The following SGMS1 variants were observed in gnomAD, a reference collection of about 807,000 sequenced individuals.
The protein encoded by SGMS1 is phosphatidylcholine:ceramide cholinephosphotransferase 1.
A neutral mutation model predicts 46.2 loss-of-function variants in SGMS1; 13 were observed. That is an observed-to-expected ratio of 0.28 (90% confidence interval 0.18 to 0.45). The LOEUF (loss-of-function observed/expected upper bound fraction) is 0.45. Among genes scored for constraint, SGMS1 ranks in the 20% least tolerant of loss-of-function variants. The pLI is 1.00. For missense variants in SGMS1, 324 were observed against 519.9 expected (o/e 0.62, Z 3.66); for synonymous variants, 203 against 187.8 (o/e 1.08, Z -0.66).
At chr10:50,580,813 G>C (rs572436793) in intron 2 of SGMS1, among the ~76,000 whole-genome samples, 50 of 152,308 alleles carry the variant, frequency 3.3e-4, no homozygotes, top group African/African-American at 1.2e-3. Context: ...TTTCAGATTT[G>C]CAAGGTGAAA....
intron 6 of SGMS1, among the ~76,000 whole-genome samples, chr10:50,359,384 C>T (rs1050374507): frequency 5.3e-5 from 8 of 152,064 alleles, no homozygotes; most frequent in African/African-American, 1.9e-4. Flanking sequence ...CCAAAATGAC[C>T]CATTCCATCG....
At chr10:50,466,574 T>C (rs1213277035) in intron 4 of SGMS1, among the ~76,000 whole-genome samples, 1 of 152,162 alleles carries the variant, frequency 6.6e-6, no homozygotes, top group Admixed American at 6.5e-5. Flanking sequence ...TATTGAATGC[T>C]TAAAAAATGT....
At chr10:50,444,697 C>T (rs1836985680) in intron 5 of SGMS1, among the ~76,000 whole-genome samples, 1 of 145,108 alleles carries the variant, frequency 6.9e-6, no homozygotes, top group South Asian at 2.2e-4. Flanking sequence ...TCATATCCAT[C>T]CTGGGCAACA....
intron 6 of SGMS1, among the ~76,000 whole-genome samples, chr10:50,362,997 C>T (rs547533224): frequency 3.3e-5 from 5 of 152,008 alleles, no homozygotes; most frequent in African/African-American, 1.2e-4. Flanking sequence ...TTTGTCAAGC[C>T]CCAAGGATCT....
intron 2 of SGMS1, among the ~76,000 whole-genome samples, chr10:50,579,838 A>C (rs1438916990): frequency 6.6e-6 from 1 of 152,224 alleles, no homozygotes; most frequent in Non-Finnish European, 1.5e-5. Flanking sequence ...AGAAATGCCC[A>C]GAAAGGTGTT....
Position 50,367,640 on chromosome 10 carries a change from G to A in SGMS1, c.-231-23295C>T, listed in dbSNP as rs75504026. ...CCAGTCCCTACCCTTAATGCATTAA[G>A]GTTTTCTTTTCCTGACAGCAATTAC... On this transcript the variant is annotated intron_variant, in intron 6 of 10. Coordinates refer to ENST00000361781, the MANE Select transcript of SGMS1 (RefSeq NM_147156.4). 4.6e-5 allele frequency among the ~76,000 whole-genome samples: 7 copies of A among 152,148 alleles called. No individual in the cohort carries two copies. In the South Asian group the frequency reaches 1.4e-3, roughly 31 times the overall value.
intron 2 of SGMS1, among the ~76,000 whole-genome samples, chr10:50,575,984 T>C (rs1365288821): frequency 1.3e-5 from 2 of 152,170 alleles, no homozygotes; most frequent in Non-Finnish European, 2.9e-5. Flanking sequence ...GCCTGAGCTA[T>C]GTCCACTACA....
Position 50,589,555 on chromosome 10 carries a change from G to A in SGMS1, c.-589+598C>T, listed in dbSNP as rs549792285. On this transcript the variant is annotated intron_variant, in intron 2 of 10. Transcript: ENST00000361781. Reference sequence around the variant, plus strand: ...CTCCATCACGGCTCACTACAGCCTCGACTTTGTGGGCTCAAGCGATCCTCC... The same window carrying A: ...CTCCATCACGGCTCACTACAGCCTCAACTTTGTGGGCTCAAGCGATCCTCC... 1.1e-3 allele frequency among the ~76,000 whole-genome samples: 173 copies of A among 151,508 alleles called. 1 individual carries two copies. The highest frequency in any genetic ancestry group is 3.4e-3 in the Middle Eastern group (1 of 292).
At chr10:50,580,640 G>A (rs1271335940) in intron 2 of SGMS1, among the ~76,000 whole-genome samples, 1 of 152,172 alleles carries the variant, frequency 6.6e-6, no homozygotes, top group African/African-American at 2.4e-5. Context: ...TTGGAGTTCA[G>A]TGGCTCTCAC....
intron 4 of SGMS1, among the ~76,000 whole-genome samples, chr10:50,462,282 T>C (rs1393493784): frequency 6.6e-6 from 1 of 151,908 alleles, no homozygotes; most frequent in African/African-American, 2.4e-5. Flanking sequence ...AATAAAGCTT[T>C]GAAGTAAAAT....
intron 8 of SGMS1, among the ~76,000 whole-genome samples, chr10:50,314,754 G>C (rs2842088): frequency 0.079 from 11,936 of 151,282 alleles, 1,131 homozygotes; most frequent in East Asian, 0.33. Flanking sequence ...GAGACTGTCT[G>C]TACAAAAAAT....
At chr10:50,480,842 G>A (rs918966764) in intron 3 of SGMS1, among the ~76,000 whole-genome samples, 2 of 152,158 alleles carry the variant, frequency 1.3e-5, no homozygotes, top group African/African-American at 4.8e-5. Flanking sequence ...TAAAGAGACT[G>A]GGCAGTTTGG....
chr10:50,408,287 ATTCATTCTAGT>A (rs1291819278), intron 6 of SGMS1, among the ~76,000 whole-genome samples: 2 of 152,004 alleles, frequency 1.3e-5, no homozygotes, highest in Non-Finnish European at 2.9e-5. Context: ...TAGCCCTTTT[ATTCATTCTAGT>A]CACAGTTTAA....
intron 7 of SGMS1, among the ~76,000 whole-genome samples, chr10:50,339,002 T>C (rs899874403): frequency 1.3e-5 from 2 of 152,168 alleles, no homozygotes; most frequent in Non-Finnish European, 2.9e-5. Context: ...CCTCCCAAAG[T>C]GCTGGGATTA....
chr10:50,341,857 A>G (rs1847826446), intron 7 of SGMS1, among the ~76,000 whole-genome samples: 1 of 152,268 alleles, frequency 6.6e-6, no homozygotes, highest in African/African-American at 2.4e-5. Flanking sequence ...AATTGTAATT[A>G]TTAATATACT....
intron 3 of SGMS1, among the ~76,000 whole-genome samples, chr10:50,482,555 C>T (rs1837486375): frequency 6.6e-6 from 1 of 152,110 alleles, no homozygotes; most frequent in Non-Finnish European, 1.5e-5. Flanking sequence ...GCATGAAATA[C>T]AGAAAGGAAA....
intron 6 of SGMS1, among the ~76,000 whole-genome samples, chr10:50,353,702 C>G (rs960613554): frequency 6.6e-6 from 1 of 152,272 alleles, no homozygotes; most frequent in Non-Finnish European, 1.5e-5. Flanking sequence ...ATCGTCTCAG[C>G]CCAAAATCTC....
intron 5 of SGMS1, among the ~76,000 whole-genome samples, chr10:50,450,579 G>C (rs1837093980): frequency 6.6e-6 from 1 of 152,050 alleles, no homozygotes; most frequent in South Asian, 2.1e-4. Context: ...TAAGCTATTA[G>C]TTACCTAATT....
chr10:50,504,582 G>C (rs966983802), intron 3 of SGMS1, among the ~76,000 whole-genome samples: 1 of 152,138 alleles, frequency 6.6e-6, no homozygotes, highest in African/African-American at 2.4e-5. Flanking sequence ...CAGGAAGAAG[G>C]ATGGGAAGAT....
Sources: gnomAD v4.1 joint callset for allele counts (sites outside exome capture counted in the v4.1 genomes callset) on GRCh38, gnomAD v4.1.1 for gene constraint, MANE v1.5 for transcripts, NCBI Gene and HGNC (gene_info 2026-07-23, HGNC 2026-07-21) for gene names.